Variants in ROBO1 observed in about 807,000 individuals in gnomAD.
ROBO1 encodes the protein roundabout guidance receptor 1.
In ROBO1, 149 loss-of-function variants were observed where a neutral mutation model predicts 195.9. The ratio of observed to expected loss-of-function variants is 0.76; its 90% CI spans 0.67 to 0.87. ROBO1 has a LOEUF of 0.87. ROBO1 is among the 40% of genes least tolerant of loss of function. The pLI, the probability that ROBO1 is intolerant of heterozygous loss-of-function variation, is 0.00. For missense variants in ROBO1, 1,933 were observed against 2,068.3 expected (o/e 0.93, Z 1.27); for synonymous variants, 816 against 733.2 (o/e 1.11, Z -1.82).
intron 2 of ROBO1, among the ~76,000 whole-genome samples, chr3:79,332,722 A>G (rs952180694): frequency 1.3e-5 from 2 of 152,212 alleles, no homozygotes; most frequent in African/African-American, 4.8e-5. Flanking sequence ...TGCATCACTC[A>G]AAGTGATCTT....
At chr3:79,431,642 G>A (rs969848839) in intron 2 of ROBO1, among the ~76,000 whole-genome samples, 9 of 152,120 alleles carry the variant, frequency 5.9e-5, no homozygotes, top group Admixed American at 5.9e-4. Context: ...TTTCACATAT[G>A]TACTTATTTG....
intron 1 of ROBO1, among the ~76,000 whole-genome samples, chr3:79,751,325 T>C (rs1704120429): frequency 6.6e-6 from 1 of 152,196 alleles, no homozygotes; most frequent in South Asian, 2.1e-4. Flanking sequence ...TGTATTATCA[T>C]ATCATTAAAA....
At chr3:79,104,603 G>A (rs1481846247) in intron 3 of ROBO1, among the ~76,000 whole-genome samples, 2 of 151,636 alleles carry the variant, frequency 1.3e-5, no homozygotes, top group African/African-American at 2.4e-5. Flanking sequence ...CTTGTCCAGC[G>A]ATAGGCTTGC....
intron 2 of ROBO1, among the ~76,000 whole-genome samples, chr3:79,394,810 T>C (rs2037080272): frequency 6.6e-6 from 1 of 152,190 alleles, no homozygotes; most frequent in African/African-American, 2.4e-5. Flanking sequence ...TAAAATGTTT[T>C]AAAATTGGGA....
intron 2 of ROBO1, among the ~76,000 whole-genome samples, chr3:79,137,383 TA>T (rs138810238): frequency 4.1e-5 from 6 of 146,626 alleles, no homozygotes; most frequent in East Asian, 2.0e-4. Flanking sequence ...CGTTACTAAA[TA>T]AAAAAAAAAC....
chr3:79,556,196 T>C (rs1942693162), intron 2 of ROBO1, among the ~76,000 whole-genome samples: 1 of 152,110 alleles, frequency 6.6e-6, no homozygotes, highest in Admixed American at 6.6e-5. Flanking sequence ...ATGCAGTATT[T>C]CATCAAATCT....
chr3:78,724,306 G>A (rs2082111743), intron 5 of ROBO1, among the ~76,000 whole-genome samples: 1 of 151,896 alleles, frequency 6.6e-6, no homozygotes, highest in African/African-American at 2.4e-5. Context: ...ATAAACAAAA[G>A]AACAGAAAAA....
At chr3:79,303,530 T>C (rs953400241) in intron 2 of ROBO1, among the ~76,000 whole-genome samples, 2 of 152,082 alleles carry the variant, frequency 1.3e-5, no homozygotes, top group African/African-American at 4.8e-5. Context: ...AAGAATACAA[T>C]ATATTATTAT....
intron 2 of ROBO1, among the ~76,000 whole-genome samples, chr3:79,341,040 T>C (rs1449984586): frequency 6.6e-6 from 1 of 152,218 alleles, no homozygotes; most frequent in African/African-American, 2.4e-5. Context: ...TCAAAAGTGA[T>C]ATTGTACAGC....
intron 3 of ROBO1, among the ~76,000 whole-genome samples, chr3:79,010,389 A>T (rs1443164703): frequency 6.6e-6 from 1 of 152,126 alleles, no homozygotes; most frequent in African/African-American, 2.4e-5. Context: ...GCTAATAACA[A>T]CACATTCATT....
rs546399622 is a variant in ROBO1, at chr3:78,604,056, A to ATATT, written c.4744+2673_4744+2676dup. 5.1e-3 allele frequency among the ~76,000 whole-genome samples: 766 copies of ATATT among 151,584 alleles called. 8 individuals are homozygous for ATATT. Among genetic ancestry groups the ATATT allele is most frequent in the African/African-American group, 0.01 (424 of 41,402 alleles). The stretch of plus-strand genomic sequence containing the variant: ...CTCACCTACTTTTTAATTTTTTAAA[A>ATATT]TATTTATTTATTTATTTATTTATTA... On this transcript the variant is annotated intron_variant, in intron 29 of 30. Coordinates refer to ENST00000464233, the MANE Select transcript of ROBO1 (RefSeq NM_002941.4).
chr3:79,572,079 C>T lies in ROBO1; in HGVS notation c.88+17745G>A, dbSNP rs141005991. ...AAAATTTATTAGTGGGTGCAGCGCA[C>T]CAGCATGGCACATGTATACATAATG... On this transcript the variant is annotated intron_variant, in intron 2 of 30. Coordinates refer to ENST00000464233, the MANE Select transcript of ROBO1 (RefSeq NM_002941.4). Among the ~76,000 whole-genome samples, 443 of 152,062 alleles carry T rather than the reference C, an allele frequency of 2.9e-3. 2 individuals are homozygous for T. Among genetic ancestry groups the T allele is most frequent in the African/African-American group, 0.01 (417 of 41,500 alleles).
intron 2 of ROBO1, among the ~76,000 whole-genome samples, chr3:79,538,383 A>G (rs1242830566): frequency 1.3e-5 from 2 of 152,162 alleles, no homozygotes; most frequent in Admixed American, 1.3e-4. Flanking sequence ...AGGAGATTTT[A>G]AAAAACAGTA....
In ROBO1 at chr3:79,761,989, G is replaced by T. The variant is rs73128515; in HGVS notation, c.-51+5763C>A. ...GGATCCTGGGACTGGTGTTTTAAGG[G>T]CTACTTTTTTCACTTTTAAGATTTA... On this transcript the variant is annotated intron_variant, in intron 1 of 30. Transcript: ENST00000464233. Among the ~76,000 whole-genome samples the T allele has an allele frequency of 3.3e-3, 501 of 152,214 alleles. 1 individual carries two copies. The highest frequency in any genetic ancestry group is 3.8e-3 in the Non-Finnish European group (258 of 68,014).
intron 4 of ROBO1, among the ~76,000 whole-genome samples, chr3:78,783,620 A>G (rs1010463576): frequency 6.6e-6 from 1 of 152,186 alleles, no homozygotes; most frequent in Admixed American, 6.5e-5. Flanking sequence ...ATTTCAGGAA[A>G]ATTTTAGACT....
At chr3:79,371,045 C>G (rs1577032899) in intron 2 of ROBO1, among the ~76,000 whole-genome samples, 1 of 152,132 alleles carries the variant, frequency 6.6e-6, no homozygotes, top group Admixed American at 6.5e-5. Flanking sequence ...GCACAGTATT[C>G]CATGGTGTAT....
intron 2 of ROBO1, among the ~76,000 whole-genome samples, chr3:79,471,891 C>T (rs1374838736): frequency 6.9e-6 from 1 of 145,910 alleles, no homozygotes; most frequent in African/African-American, 2.5e-5. Context: ...ACAGTGAGAA[C>T]ATATGGACAT....
intron 2 of ROBO1, among the ~76,000 whole-genome samples, chr3:79,559,094 C>T (rs1452653467): frequency 6.6e-6 from 1 of 152,106 alleles, no homozygotes; most frequent in African/African-American, 2.4e-5. Context: ...GGAAGCCAAC[C>T]GATCAGACCA....
At chr3:79,389,960 T>A (rs2036886535) in intron 2 of ROBO1, among the ~76,000 whole-genome samples, 1 of 152,114 alleles carries the variant, frequency 6.6e-6, no homozygotes, top group South Asian at 2.1e-4. Context: ...GAGGAGTGGA[T>A]GATACTCAGA....
Sources: gnomAD v4.1 joint callset for allele counts (sites outside exome capture counted in the v4.1 genomes callset) on GRCh38, gnomAD v4.1.1 for gene constraint, MANE v1.5 for transcripts, NCBI Gene and HGNC (gene_info 2026-07-23, HGNC 2026-07-21) for gene names.